Variants in PLAGL1 observed in about 807,000 individuals in gnomAD.
The protein encoded by PLAGL1 is zinc finger protein PLAGL1.
In PLAGL1, 1 loss-of-function variant was observed where a neutral mutation model predicts 4.6. The observed-to-expected ratio is 0.22, with a 90% CI of 0.08 to 1.03. The LOEUF (loss-of-function observed/expected upper bound fraction) is 1.03, where lower values mean the gene tolerates loss of function less well. Ranked by LOEUF, PLAGL1 falls within the 50% of genes least tolerant of loss-of-function variation. PLAGL1 has a pLI of 0.58. For missense variants in PLAGL1, 464 were observed against 570.4 expected (o/e 0.81, Z 1.90); for synonymous variants, 240 against 237.8 (o/e 1.01, Z -0.08).
At chr6:144,007,069 C>T (rs184085125) in intron 1 of PLAGL1, 2 of 152,332 alleles carry the variant, frequency 1.3e-5, no homozygotes, top group Admixed American at 1.3e-4. Flanking sequence ...GATCAGGAAA[C>T]ACGGACATCG....
intron 1 of PLAGL1, among the ~76,000 whole-genome samples, chr6:144,046,875 T>A (rs933583680): frequency 6.6e-6 from 1 of 152,150 alleles, no homozygotes; most frequent in African/African-American, 2.4e-5. Context: ...CCTGGACACT[T>A]TGCTTACCTA....
chr6:144,020,585 C>T (rs541928526), intron 1 of PLAGL1, among the ~76,000 whole-genome samples: 1 of 151,644 alleles, frequency 6.6e-6, no homozygotes, highest in East Asian at 1.9e-4. Flanking sequence ...CACGCCCGGC[C>T]CTTTGTTTGT....
In PLAGL1 at chr6:144,048,739, G is replaced by A. The variant is rs1286738854; in HGVS notation, c.-151+15729C>T. Among the ~76,000 whole-genome samples the A allele has an allele frequency of 6.6e-6, 1 of 152,160 alleles. No homozygotes were observed. Among genetic ancestry groups the A allele is most frequent in the Non-Finnish European group, 1.5e-5 (1 of 68,038 alleles). ...CTGTTATGGGAGGGGCTGCCAAGAA[G>A]GTCTCTAACATGCCCTGAAATGTTT... On this transcript the variant is annotated intron_variant, in intron 1 of 3. Transcript: ENST00000437412. This position sits in a 1 kb window ranked among gnomAD's most constrained non-coding sequence, Gnocchi z 4.8.
intron 1 of PLAGL1, among the ~76,000 whole-genome samples, chr6:144,020,432 T>G (rs1185586748): frequency 6.6e-6 from 1 of 151,494 alleles, no homozygotes; most frequent in Non-Finnish European, 1.5e-5. Flanking sequence ...GGATTACAGG[T>G]GCGGGTCACC....
Position 144,004,202 on chromosome 6 carries a change from A to G in PLAGL1, c.-584+3888T>C, listed in dbSNP as rs1175432036. 1.3e-5 allele frequency among the ~76,000 whole-genome samples: 2 copies of G among 149,334 alleles called. No individual in the cohort carries two copies. The highest frequency in any genetic ancestry group is 3.0e-5 in the Non-Finnish European group (2 of 67,630). ...TCCAGTAATTTTTTTTTTTTTTAAG[A>G]TGGGGTCATCTCACTGTCACCCAGG... On this transcript the variant is annotated intron_variant, in intron 1 of 7. Transcript: ENST00000674357. The surrounding 1 kb of genome is among the most constrained non-coding windows in gnomAD (Gnocchi z 4.2).
In PLAGL1 at chr6:143,957,072, A is replaced by G. The variant is rs961689717; in HGVS notation, c.-325+3397T>C. 6.6e-6 allele frequency among the ~76,000 whole-genome samples: 1 copy of G among 152,216 alleles called. No homozygotes were observed. Among genetic ancestry groups the G allele is most frequent in the Non-Finnish European group, 1.5e-5 (1 of 68,044 alleles). ...CCAGGGGGAACGGAGGAAAAGAAATATTGTTGCAGACTCTTGGATCTTTGA... is the reference window on the plus strand; with the variant it reads ...CCAGGGGGAACGGAGGAAAAGAAATGTTGTTGCAGACTCTTGGATCTTTGA... On this transcript the variant is annotated intron_variant, in intron 6 of 7. Coordinates refer to ENST00000674357, the MANE Select transcript of PLAGL1 (RefSeq NM_001317162.2). The surrounding 1 kb of genome is among the most constrained non-coding windows in gnomAD (Gnocchi z 4.2).
Position 144,055,348 on chromosome 6 carries a change from C to T in PLAGL1, c.-151+9120G>A, listed in dbSNP as rs1244314434. ...CAGAAGCAGCACCAGAACCACAACCCACCATGACTTGCTGTGCTTGTTATA... is the reference window on the plus strand; with the variant it reads ...CAGAAGCAGCACCAGAACCACAACCTACCATGACTTGCTGTGCTTGTTATA... On this transcript the variant is annotated intron_variant, in intron 1 of 3. Coordinates refer to the PLAGL1 transcript ENST00000437412. This position sits in a 1 kb window ranked among gnomAD's most constrained non-coding sequence, Gnocchi z 5.0. Among the ~76,000 whole-genome samples the T allele has an allele frequency of 6.6e-6, 1 of 152,166 alleles. No homozygotes were observed. Among genetic ancestry groups the T allele is most frequent in the Admixed American group, 6.5e-5 (1 of 15,274 alleles).
In PLAGL1 at chr6:144,050,049, C is replaced by T. The variant is rs539739616; in HGVS notation, c.-151+14419G>A. The stretch of plus-strand genomic sequence containing the variant: ...AAGGGTGAATGGGAGGGAAGCCATT[C>T]ACAATTTAGAGCCTCGGCTTTTTGA... On this transcript the variant is annotated intron_variant, in intron 1 of 3. Transcript: ENST00000437412. The surrounding 1 kb of genome is among the most constrained non-coding windows in gnomAD (Gnocchi z 4.3). Among the ~76,000 whole-genome samples the T allele has an allele frequency of 6.6e-6, 1 of 152,160 alleles. No homozygotes were observed. Among genetic ancestry groups the T allele is most frequent in the South Asian group, 2.1e-4 (1 of 4,826 alleles).
Position 144,005,902 on chromosome 6 carries a change from G to A in PLAGL1, c.-584+2188C>T, listed in dbSNP as rs1185242933. On this transcript the variant is annotated intron_variant, in intron 1 of 7. Coordinates refer to ENST00000674357, the MANE Select transcript of PLAGL1 (RefSeq NM_001317162.2). The surrounding 1 kb of genome is among the most constrained non-coding windows in gnomAD (Gnocchi z 4.6). ...ATACAATATGTTAGCATTTTAAAACGCTGAAAGTCTGTAAAGTTCTGTGAT... is the reference window on the plus strand; with the variant it reads ...ATACAATATGTTAGCATTTTAAAACACTGAAAGTCTGTAAAGTTCTGTGAT... 1.3e-5 allele frequency: 2 copies of A among 151,944 alleles called. No homozygotes were observed. Among genetic ancestry groups the A allele is most frequent in the African/African-American group, 2.4e-5 (1 of 41,410 alleles). The allele number at this position is 151,944 out of a possible 1,614,324, so 9.4% of individuals were successfully genotyped here.
rs76773972 is a variant in PLAGL1 at position 143,975,394 on chromosome 6, C to A, written c.-543-6416G>T. On this transcript the variant is annotated intron_variant, in intron 2 of 7. Coordinates refer to ENST00000674357, the MANE Select transcript of PLAGL1 (RefSeq NM_001317162.2). This position sits in a 1 kb window ranked among gnomAD's most constrained non-coding sequence, Gnocchi z 5.8. The stretch of plus-strand genomic sequence containing the variant: ...TAAGCAATTAACAATATTTTTGGAA[C>A]CTTAGTTTCCCTATTTGTAAAAGAG... Among the ~76,000 whole-genome samples the A allele has an allele frequency of 0.12, 18,244 of 152,082 alleles. 1,363 individuals are homozygous for A. The highest frequency in any genetic ancestry group is 0.16 in the Non-Finnish European group (10,861 of 67,976).
chr6:144,001,171 T>C (rs1792775571), intron 1 of PLAGL1, among the ~76,000 whole-genome samples: 1 of 140,216 alleles, frequency 7.1e-6, no homozygotes, highest in African/African-American at 2.6e-5. Flanking sequence ...AGTAAGGAAA[T>C]GATAAAAAAA....
rs1238156063 is a variant in PLAGL1, at chr6:143,994,161, C to T, written c.-583-8987G>A. Reference sequence around the variant, plus strand: ...TTACTCTCCAGGTTTTGAAGGATTTCAAAATTGTTATGGACCAGGGACTCC... The same window carrying T: ...TTACTCTCCAGGTTTTGAAGGATTTTAAAATTGTTATGGACCAGGGACTCC... On this transcript the variant is annotated intron_variant, in intron 1 of 7. Transcript: ENST00000674357. The surrounding 1 kb of genome is among the most constrained non-coding windows in gnomAD (Gnocchi z 4.3). Among the ~76,000 whole-genome samples, 1 of 152,038 alleles carries T rather than the reference C, an allele frequency of 6.6e-6. No individual in the cohort carries two copies. Among genetic ancestry groups the T allele is most frequent in the Non-Finnish European group, 1.5e-5 (1 of 68,004 alleles).
intron 3 of PLAGL1, chr6:143,967,560 A>G (rs1784640043): frequency 6.6e-6 from 1 of 152,190 alleles, no homozygotes; most frequent in Non-Finnish European, 1.5e-5. Context: ...GTGTAATCCT[A>G]TTTAATGTGC....
Position 144,014,352 on chromosome 6 carries a change from C to T in PLAGL1, c.-150-45374G>A, listed in dbSNP as rs79100896. 7.2e-3 allele frequency among the ~76,000 whole-genome samples: 1,101 copies of T among 152,032 alleles called. 12 individuals are homozygous for T. The highest frequency in any genetic ancestry group is 0.025 in the African/African-American group (1,029 of 41,460). Reference sequence around the variant, plus strand: ...GGCTAAGGCAGGAGAATTGCTTTAACCTTAAGGTGGAGGTTGCAGTGAGCC... The same window carrying T: ...GGCTAAGGCAGGAGAATTGCTTTAATCTTAAGGTGGAGGTTGCAGTGAGCC... On this transcript the variant is annotated intron_variant, in intron 1 of 3. Coordinates refer to the PLAGL1 transcript ENST00000437412.
chr6:144,054,610 G>A (rs911997672), intron 1 of PLAGL1, among the ~76,000 whole-genome samples: 3 of 152,272 alleles, frequency 2.0e-5, no homozygotes, highest in East Asian at 1.9e-4. Flanking sequence ...GGTCGGAGGC[G>A]AGGGGAGGGA....
Position 144,039,418 on chromosome 6 carries a change from C to G in PLAGL1, c.-151+25050G>C, listed in dbSNP as rs1797542529. Reference sequence around the variant, plus strand: ...TGGCCAACATGGCAAAACCCCATCTCTACAAAAAAATACAAAAATTAGCTG... The same window carrying G: ...TGGCCAACATGGCAAAACCCCATCTGTACAAAAAAATACAAAAATTAGCTG... On this transcript the variant is annotated intron_variant, in intron 1 of 3. Coordinates refer to the PLAGL1 transcript ENST00000437412. The surrounding 1 kb of genome is among the most constrained non-coding windows in gnomAD (Gnocchi z 4.1). Among the ~76,000 whole-genome samples the G allele has an allele frequency of 6.6e-6, 1 of 152,072 alleles. No homozygotes were observed. Among genetic ancestry groups the G allele is most frequent in the Non-Finnish European group, 1.5e-5 (1 of 68,012 alleles).
rs1782641266 is a variant in PLAGL1 at position 143,958,446 on chromosome 6, C to T, written c.-325+2023G>A. Reference sequence around the variant, plus strand: ...TCCAGAACTTATAGTAAACTGTGTACATGCATGGTTATGTGAGAAAAGTGA... The same window carrying T: ...TCCAGAACTTATAGTAAACTGTGTATATGCATGGTTATGTGAGAAAAGTGA... On this transcript the variant is annotated intron_variant, in intron 6 of 7. Coordinates refer to ENST00000674357, the MANE Select transcript of PLAGL1 (RefSeq NM_001317162.2). This position sits in a 1 kb window ranked among gnomAD's most constrained non-coding sequence, Gnocchi z 5.1. 6.6e-6 allele frequency among the ~76,000 whole-genome samples: 1 copy of T among 152,160 alleles called. No homozygotes were observed. The highest frequency in any genetic ancestry group is 2.4e-5 in the African/African-American group (1 of 41,428).
chr6:144,045,816 C>G (rs1018189831), intron 1 of PLAGL1, among the ~76,000 whole-genome samples: 26 of 152,200 alleles, frequency 1.7e-4, no homozygotes, highest in Non-Finnish European at 3.7e-4. Flanking sequence ...CCATCACTTT[C>G]AGGTACACCA....
In PLAGL1 at chr6:143,942,643, G is replaced by A; in HGVS notation, c.173C>T (p.Pro58Leu). The A allele has an allele frequency of 1.9e-6, 3 of 1,613,638 alleles. No individual in the cohort carries two copies. Among genetic ancestry groups the A allele is most frequent in the South Asian group, 2.2e-5 (2 of 91,026 alleles). ...GTGAGCACACTGGTGAGATTTCTGG[G>A]GAGAATGGGTAGCCATATGCCTAGG... ...KLMRHMATHS[P>L]QKSHQCAHCE... Residue 58 changes from proline to leucine, a missense_variant, in exon 8 of 8, where the codon CCC becomes CTC. By Grantham distance (98) the Pro-to-Leu change is moderately conservative. Transcript: ENST00000674357. This position sits in a 1 kb window ranked among gnomAD's most constrained non-coding sequence, Gnocchi z 7.6.
Sources: gnomAD v4.1 joint callset for allele counts (sites outside exome capture counted in the v4.1 genomes callset) on GRCh38, gnomAD v4.1.1 for gene constraint, Gnocchi (gnomAD v3.1) non-coding constraint, MANE v1.5 for transcripts, NCBI Gene and HGNC (gene_info 2026-07-23, HGNC 2026-07-21) for gene names.